The following PLXNA4 variants were observed in gnomAD, a reference collection of about 807,000 sequenced individuals.
The protein encoded by PLXNA4 is plexin A4.
PLXNA4 carries 44 observed loss-of-function variants against 191.8 expected under a neutral mutation model. That is an observed-to-expected ratio of 0.23 (90% CI 0.18 to 0.29). The LOEUF is 0.29. Ranked by LOEUF, PLXNA4 falls within the 10% of genes least tolerant of loss-of-function variation. PLXNA4 has a pLI of 1.00. For missense variants in PLXNA4, 1,800 were observed against 2,488.8 expected (o/e 0.72, Z 5.89); for synonymous variants, 1,082 against 1,009.5 (o/e 1.07, Z -1.36).
At chr7:132,187,438 T>C in intron 15 of PLXNA4, 33 bp downstream of exon 15, 1 of 1,602,568 alleles carries the variant, frequency 6.2e-7, no homozygotes, top group Non-Finnish European at 8.5e-7. Flanking sequence ...CCTTTCCCTC[T>C]CTGGTGCTGC....
chr7:132,220,854 C>A (rs1282385792), intron 9 of PLXNA4, among the ~76,000 whole-genome samples: 1 of 147,058 alleles, frequency 6.8e-6, no homozygotes, highest in African/African-American at 2.5e-5. Flanking sequence ...GCTCTGTTGC[C>A]CAGGCTAGAG....
intron 1 of PLXNA4, among the ~76,000 whole-genome samples, chr7:132,534,481 C>T (rs959833734): frequency 5.9e-5 from 9 of 152,052 alleles, no homozygotes; most frequent in African/African-American, 2.2e-4. Context: ...ATGCAGAGAC[C>T]GAGAATCTGG....
intron 3 of PLXNA4, among the ~76,000 whole-genome samples, chr7:132,455,982 T>G (rs1167796006): frequency 6.6e-6 from 1 of 152,168 alleles, no homozygotes; most frequent in Non-Finnish European, 1.5e-5. Context: ...CGAGAGAAGG[T>G]GCCCCTCCCT....
Position 132,159,594 on chromosome 7 carries a change from G to A in PLXNA4, c.4539C>T (p.Pro1513=), listed in dbSNP as rs377038963. 8.9e-5 allele frequency: 143 copies of A among 1,614,056 alleles called. 1 individual carries two copies. In the African/African-American group the frequency reaches 1.3e-3, roughly 15 times the overall value. Residue 1513 remains proline, a synonymous_variant, in exon 25 of 32, where the codon CCC becomes CCT. Coordinates refer to ENST00000321063, the MANE Select transcript of PLXNA4 (RefSeq NM_020911.2). Reference sequence around the variant, plus strand: ...AGTTGAGGATCTTTACTGGGACCTCGGGGCTGTTGGCATTGTCTGGGCTGA... The same window carrying A: ...AGTTGAGGATCTTTACTGGGACCTCAGGGCTGTTGGCATTGTCTGGGCTGA... ...SCVSPDNANS[P]EVPVKILNCD...
chr7:132,415,352 G>A (rs951355048), intron 3 of PLXNA4, among the ~76,000 whole-genome samples: 3 of 152,188 alleles, frequency 2.0e-5, no homozygotes, highest in Non-Finnish European at 4.4e-5. Flanking sequence ...GTGTGTGCAC[G>A]GGTATGTTCA....
Position 132,185,468 on chromosome 7 carries a change from A to G in PLXNA4, c.2994-5T>C, listed in dbSNP as rs1796847749. 1.9e-6 allele frequency: 3 copies of G among 1,610,018 alleles called. No individual in the cohort carries two copies. The East Asian group carries it at 6.7e-5, about 36-fold the overall frequency. On this transcript the variant is annotated splice_region_variant and splice_polypyrimidine_tract_variant and intron_variant, in intron 15 of 31. Transcript: ENST00000321063. Reference sequence around the variant, plus strand: ...ACAATGTAGGATGGAGATCGCCTGGAGGGCAGGAAGACAGAGCACTGGGCG... The same window carrying G: ...ACAATGTAGGATGGAGATCGCCTGGGGGGCAGGAAGACAGAGCACTGGGCG...
chr7:132,635,632 C>T (rs1189372731), intron 2 of PLXNA4, among the ~76,000 whole-genome samples: 1 of 152,134 alleles, frequency 6.6e-6, no homozygotes, highest in East Asian at 1.9e-4. Flanking sequence ...CCAGGACGGG[C>T]TCTTTCTGAC....
intron 4 of PLXNA4, among the ~76,000 whole-genome samples, chr7:132,263,001 T>C (rs1005170251): frequency 1.3e-5 from 2 of 152,180 alleles, no homozygotes; most frequent in Non-Finnish European, 2.9e-5. Context: ...GGTTGAAGTC[T>C]CACTTCCTTT....
At chr7:132,396,699 T>C (rs988352267) in intron 3 of PLXNA4, among the ~76,000 whole-genome samples, 2 of 152,306 alleles carry the variant, frequency 1.3e-5, no homozygotes, top group East Asian at 3.9e-4. Flanking sequence ...CACCATGAGA[T>C]GAGGCTGGTT....
intron 3 of PLXNA4, among the ~76,000 whole-genome samples, chr7:132,347,440 C>T (rs2116780906): frequency 6.6e-6 from 1 of 152,288 alleles, no homozygotes. Context: ...CAAAAGCCGG[C>T]ATGTGTTGCA....
At chr7:132,191,568 C>T (rs1273911594) in intron 14 of PLXNA4, among the ~76,000 whole-genome samples, 3 of 152,122 alleles carry the variant, frequency 2.0e-5, no homozygotes, top group Non-Finnish European at 2.9e-5. Flanking sequence ...GGCTCTAGCC[C>T]TGTCCACTTT....
intron 25 of PLXNA4, among the ~76,000 whole-genome samples, chr7:132,151,513 AAGG>A (rs150638488): frequency 2.2e-4 from 2 of 9,262 alleles, no homozygotes; most frequent in African/African-American, 3.7e-4. Context: ...GAGGAGGAGA[AAGG>A]AGGAGGAGGA....
At chr7:132,326,426 C>T (rs954193459) in intron 3 of PLXNA4, among the ~76,000 whole-genome samples, 1 of 152,208 alleles carries the variant, frequency 6.6e-6, no homozygotes, top group African/African-American at 2.4e-5. Flanking sequence ...GAATCAGATG[C>T]TCTGATGCCC....
chr7:132,583,423 C>CTCCTTGAG (rs752243906), intron 2 of PLXNA4, among the ~76,000 whole-genome samples: 19 of 152,228 alleles, frequency 1.2e-4, no homozygotes, highest in Non-Finnish European at 2.2e-4. Flanking sequence ...CCACACCATT[C>CTCCTTGAG]TCCTTGAGGA....
intron 1 of PLXNA4, among the ~76,000 whole-genome samples, chr7:132,575,537 C>T (rs1329276680): frequency 6.6e-6 from 1 of 152,118 alleles, no homozygotes; most frequent in Non-Finnish European, 1.5e-5. Context: ...GTTCGCCAGC[C>T]GGAGGCACCG....
chr7:132,495,270 G>A (rs1312682221), intron 2 of PLXNA4, among the ~76,000 whole-genome samples: 1 of 152,240 alleles, frequency 6.6e-6, no homozygotes, highest in Non-Finnish European at 1.5e-5. Flanking sequence ...AGAAAGGTCA[G>A]AACCAAGCCA....
intron 3 of PLXNA4, among the ~76,000 whole-genome samples, chr7:132,353,087 A>G (rs1330052330): frequency 6.6e-6 from 1 of 152,128 alleles, no homozygotes; most frequent in African/African-American, 2.4e-5. Flanking sequence ...GATGTCTTCA[A>G]TTTCCACGCT....
intron 3 of PLXNA4, chr7:132,366,006 G>A (rs1804168087): frequency 6.6e-6 from 1 of 152,112 alleles, no homozygotes; most frequent in Non-Finnish European, 1.5e-5. Flanking sequence ...TAGTTACAGG[G>A]AGCTCCATAT....
At chr7:132,614,288 C>A (rs1803109171) in intron 2 of PLXNA4, among the ~76,000 whole-genome samples, 1 of 152,086 alleles carries the variant, frequency 6.6e-6, no homozygotes, top group African/African-American at 2.4e-5. Context: ...CGCTAAAAAT[C>A]CAATGTGTGA....
Sources: allele counts gnomAD v4.1 joint callset (sites outside exome capture counted in the v4.1 genomes callset), GRCh38; gene constraint gnomAD v4.1.1; transcripts MANE v1.5; gene names NCBI Gene and HGNC (gene_info 2026-07-23, HGNC 2026-07-21).